The following RERG variants were observed in gnomAD, a reference collection of about 807,000 sequenced individuals.
RERG encodes the protein ras-related and estrogen-regulated growth inhibitor.
In RERG, 25 loss-of-function variants were observed where a neutral mutation model predicts 23.2. That is an observed-to-expected ratio of 1.08 (90% CI 0.79 to 1.50). The LOEUF (loss-of-function observed/expected upper bound fraction) is 1.50. Among genes scored for constraint, RERG ranks in the 40% most tolerant of loss-of-function variants. The pLI is 0.00. For missense variants in RERG, 253 were observed against 250.1 expected (o/e 1.01, Z -0.08); for synonymous variants, 81 against 89.1 (o/e 0.91, Z 0.51).
At chr12:15,158,275 G>GT (rs1864552083) in intron 2 of RERG, among the ~76,000 whole-genome samples, 1 of 151,522 alleles carries the variant, frequency 6.6e-6, no homozygotes, top group African/African-American at 2.4e-5. Context: ...CAGTTCCTCA[G>GT]TTTTTTTGTT....
At chr12:15,212,429 T>G (rs1271878566) in intron 2 of RERG, among the ~76,000 whole-genome samples, 1 of 152,206 alleles carries the variant, frequency 6.6e-6, no homozygotes, top group East Asian at 1.9e-4. Flanking sequence ...ATTGTTTTTA[T>G]GTTTAAGCAA....
At chr12:15,219,396 T>C (rs1240416059) in intron 1 of RERG, among the ~76,000 whole-genome samples, 1 of 152,234 alleles carries the variant, frequency 6.6e-6, no homozygotes, top group Non-Finnish European at 1.5e-5. Context: ...CAGAGCTTCC[T>C]CTGAAGGAAG....
At chr12:15,174,604 T>C (rs1331779867) in intron 2 of RERG, among the ~76,000 whole-genome samples, 1 of 151,994 alleles carries the variant, frequency 6.6e-6, no homozygotes, top group Non-Finnish European at 1.5e-5. Flanking sequence ...ATTACACATA[T>C]ACATTTGTAT....
At chr12:15,217,721 AC>A in intron 1 of RERG, 118 bp from the exon 2 acceptor site, 1 of 480,026 alleles carries the variant, frequency 2.1e-6, no homozygotes, top group South Asian at 2.5e-5. Flanking sequence ...TTTGATCTTT[AC>A]CACTATCCTG....
chr12:15,122,285 G>A (rs556900215), intron 2 of RERG, among the ~76,000 whole-genome samples: 1 of 152,216 alleles, frequency 6.6e-6, no homozygotes, highest in South Asian at 2.1e-4. Flanking sequence ...CCTGAATGTA[G>A]CAGCCAAAGG....
At chr12:15,133,421 G>T (rs1046381974) in intron 2 of RERG, among the ~76,000 whole-genome samples, 2 of 151,912 alleles carry the variant, frequency 1.3e-5, no homozygotes, top group South Asian at 2.1e-4. Flanking sequence ...TGGCTTGAGA[G>T]CTCCTTTCTG....
At chr12:15,155,946 G>A (rs1864515313) in intron 2 of RERG, among the ~76,000 whole-genome samples, 1 of 150,566 alleles carries the variant, frequency 6.6e-6, no homozygotes, top group Non-Finnish European at 1.5e-5. Flanking sequence ...GTATACATAT[G>A]TAACTAACCT....
At chr12:15,192,674 C>T (rs1865088270) in intron 2 of RERG, among the ~76,000 whole-genome samples, 1 of 152,004 alleles carries the variant, frequency 6.6e-6, no homozygotes, top group Non-Finnish European at 1.5e-5. Context: ...GTTTTTTTCT[C>T]TTTCCAGTAT....
chr12:15,199,757 G>A (rs1429859368), intron 2 of RERG, among the ~76,000 whole-genome samples: 1 of 151,990 alleles, frequency 6.6e-6, no homozygotes, highest in East Asian at 1.9e-4. Flanking sequence ...TAATATAGCA[G>A]TTAATGCAGT....
At chr12:15,166,854 T>G (rs537948459) in intron 2 of RERG, among the ~76,000 whole-genome samples, 24 of 148,570 alleles carry the variant, frequency 1.6e-4, no homozygotes, top group South Asian at 1.1e-3. Flanking sequence ...TTGTTTTTTG[T>G]TTTTTTTTTA....
intron 2 of RERG, among the ~76,000 whole-genome samples, chr12:15,174,494 G>GTATA (rs1555126934): frequency 5.2e-4 from 79 of 151,092 alleles, no homozygotes; most frequent in African/African-American, 1.6e-3. Context: ...GTGTGTGTGT[G>GTATA]TGTATATATA....
intron 2 of RERG, among the ~76,000 whole-genome samples, chr12:15,163,940 G>C (rs1864650347): frequency 6.6e-6 from 1 of 152,158 alleles, no homozygotes; most frequent in South Asian, 2.1e-4. Context: ...AGAGAGGAGA[G>C]AGAGAGAAAC....
intron 2 of RERG, among the ~76,000 whole-genome samples, chr12:15,165,866 CCT>C (rs1864679214): frequency 6.6e-6 from 1 of 152,148 alleles, no homozygotes; most frequent in African/African-American, 2.4e-5. Context: ...TCCAACTCTC[CCT>C]GTCAACCTTT....
At chr12:15,173,275 C>T (rs1020601046) in intron 2 of RERG, among the ~76,000 whole-genome samples, 1 of 151,978 alleles carries the variant, frequency 6.6e-6, no homozygotes, top group Admixed American at 6.6e-5. Context: ...ATCAATTCTT[C>T]ATAAATATAT....
At chr12:15,190,865 G>A (rs1865061089) in intron 2 of RERG, among the ~76,000 whole-genome samples, 1 of 152,098 alleles carries the variant, frequency 6.6e-6, no homozygotes. Context: ...GACATTCAAG[G>A]TCCCAGTTGG....
intron 2 of RERG, among the ~76,000 whole-genome samples, chr12:15,202,373 T>A (rs964659335): frequency 6.6e-6 from 1 of 151,788 alleles, no homozygotes; most frequent in African/African-American, 2.4e-5. Context: ...TAAAGGCACT[T>A]TGTTGTAAAG....
At chr12:15,135,846 T>C (rs889540510) in intron 2 of RERG, among the ~76,000 whole-genome samples, 3 of 152,168 alleles carry the variant, frequency 2.0e-5, no homozygotes, top group African/African-American at 7.2e-5. Context: ...ATGTGCCTTA[T>C]TGGTCTATAG....
At chr12:15,151,826 C>G (rs1864447970) in intron 2 of RERG, 1 of 152,170 alleles carries the variant, frequency 6.6e-6, no homozygotes, top group Non-Finnish European at 1.5e-5. Flanking sequence ...TCAGGTCAGT[C>G]TTTTCCTCCT....
At chr12:15,112,987 G>T (rs912849516) in intron 3 of RERG, among the ~76,000 whole-genome samples, 1 of 152,182 alleles carries the variant, frequency 6.6e-6, no homozygotes, top group African/African-American at 2.4e-5. Context: ...AGAGAATAAA[G>T]CACATCACCT....
Sources: gnomAD v4.1 joint callset for allele counts (sites outside exome capture counted in the v4.1 genomes callset) on GRCh38, gnomAD v4.1.1 for gene constraint, MANE v1.5 for transcripts, NCBI Gene and HGNC (gene_info 2026-07-23, HGNC 2026-07-21) for gene names.